The following TES variants were observed in gnomAD, a reference collection of about 807,000 sequenced individuals.
The protein encoded by TES is testin LIM domain protein, also known as testin.
A neutral mutation model predicts 48.2 loss-of-function variants in TES; 41 were observed. The observed-to-expected ratio is 0.85, with a 90% CI of 0.66 to 1.10. The LOEUF is 1.10. TES is among the 50% of genes least tolerant of loss of function. The probability of loss-of-function intolerance (pLI) is 0.00; values close to 1 mark genes in which losing one functional copy is unlikely to be tolerated. For synonymous variants in TES, 162 were observed against 174.9 expected (o/e 0.93, Z 0.58); for missense variants, 463 against 515.1 (o/e 0.90, Z 0.98).
intron 6 of TES, among the ~76,000 whole-genome samples, chr7:116,256,364 G>T (rs1395690820): frequency 1.3e-5 from 2 of 152,160 alleles, no homozygotes; most frequent in Non-Finnish European, 2.9e-5. Flanking sequence ...GGGTGCTTAA[G>T]ATTAGTCACT....
chr7:116,246,842 C>G (rs1378491940), intron 2 of TES, among the ~76,000 whole-genome samples: 3 of 150,598 alleles, frequency 2.0e-5, no homozygotes, highest in Non-Finnish European at 2.9e-5. Context: ...CCTATACTTT[C>G]TTTCCTATCA....
At chr7:116,226,313 G>A (rs1799620216) in intron 1 of TES, among the ~76,000 whole-genome samples, 1 of 152,152 alleles carries the variant, frequency 6.6e-6, no homozygotes, top group African/African-American at 2.4e-5. Context: ...TAGTAAGGAA[G>A]GACTTAATAA....
chr7:116,213,835 G>A (rs1799465054), intron 1 of TES, among the ~76,000 whole-genome samples: 1 of 151,752 alleles, frequency 6.6e-6, no homozygotes, highest in Admixed American at 6.5e-5. Flanking sequence ...TTGGCTTTGT[G>A]TCAGTATGGT....
chr7:116,210,874 C>T (rs1799428548), intron 1 of TES, 140 bp downstream of exon 1: 2 of 707,902 alleles, frequency 2.8e-6, no homozygotes, highest in African/African-American at 3.8e-5. Flanking sequence ...TGCCCCGGGC[C>T]CAGGGACCTG....
chr7:116,218,388 T>C (rs896170140), intron 1 of TES, among the ~76,000 whole-genome samples: 2 of 152,178 alleles, frequency 1.3e-5, no homozygotes, highest in Non-Finnish European at 2.9e-5. Flanking sequence ...TTTCCCTTGC[T>C]TTGTTTGATG....
chr7:116,213,094 G>T (rs545309685), intron 1 of TES, among the ~76,000 whole-genome samples: 1 of 152,246 alleles, frequency 6.6e-6, no homozygotes, highest in South Asian at 2.1e-4. Context: ...GAAATCTCAG[G>T]AATGTATTTC....
At chr7:116,212,814 T>A (rs1191450561) in intron 1 of TES, among the ~76,000 whole-genome samples, 2 of 152,184 alleles carry the variant, frequency 1.3e-5, no homozygotes, top group African/African-American at 4.8e-5. Flanking sequence ...AAAGTTATAT[T>A]TTCAACCAAG....
At chr7:116,230,846 CT>C (rs1345573431) in intron 1 of TES, among the ~76,000 whole-genome samples, 13 of 152,192 alleles carry the variant, frequency 8.5e-5, no homozygotes, top group South Asian at 2.1e-4. Flanking sequence ...CCTGAATGCA[CT>C]TCTCTGAGCC....
intron 2 of TES, 111 bp downstream of exon 2, chr7:116,234,730 T>A: frequency 1.2e-6 from 1 of 812,890 alleles, no homozygotes; most frequent in Non-Finnish European, 2.1e-6. Context: ...GTTGCAGACC[T>A]GTTACTGTCT....
chr7:116,220,005 C>T (rs186692096), intron 1 of TES, among the ~76,000 whole-genome samples: 168 of 152,126 alleles, frequency 1.1e-3, no homozygotes, highest in Middle Eastern at 6.8e-3. Flanking sequence ...TCATTCCAGC[C>T]GGGTCATGTG....
intron 1 of TES, among the ~76,000 whole-genome samples, chr7:116,231,450 C>T (rs1799698931): frequency 6.6e-6 from 1 of 151,966 alleles, no homozygotes; most frequent in African/African-American, 2.4e-5. Context: ...AGAACATGTG[C>T]CCAAGGTGGT....
chr7:116,237,509 GCTTGATACATACTATTCC>G (rs1348591087), intron 2 of TES, among the ~76,000 whole-genome samples: 1 of 151,948 alleles, frequency 6.6e-6, no homozygotes, highest in African/African-American at 2.4e-5. Flanking sequence ...TGATCCAAGT[GCTTGATACATACTATTCC>G]CTGAAATTTT....
chr7:116,256,487 T>C (rs1045093234), intron 6 of TES, among the ~76,000 whole-genome samples: 4 of 152,238 alleles, frequency 2.6e-5, no homozygotes, highest in African/African-American at 7.2e-5. Context: ...GCATGGACTA[T>C]CCAGTGTTTC....
intron 6 of TES, among the ~76,000 whole-genome samples, chr7:116,254,164 C>CT (rs202084710): frequency 2.1e-3 from 311 of 150,976 alleles, no homozygotes; most frequent in African/African-American, 7.0e-3. Flanking sequence ...TAATGTATAC[C>CT]TTTTTTTTTG....
chr7:116,255,585 ATTAG>A (rs1335827213), intron 6 of TES, among the ~76,000 whole-genome samples: 5 of 152,208 alleles, frequency 3.3e-5, no homozygotes, highest in Admixed American at 3.3e-4. Context: ...GTAATTGAAC[ATTAG>A]TTATCTCTTT....
intron 6 of TES, chr7:116,252,729 C>G: frequency 2.0e-6 from 1 of 491,706 alleles, no homozygotes; most frequent in Non-Finnish European, 3.7e-6. Context: ...AAAATCCTCA[C>G]TTAAAAAAAT....
intron 6 of TES, among the ~76,000 whole-genome samples, chr7:116,252,991 A>G (rs3807978): frequency 0.21 from 31,252 of 152,146 alleles, 3,561 homozygotes; most frequent in East Asian, 0.43. Context: ...GTGTGGGCCA[A>G]ACATTCCAAT....
rs1342335763 is a variant in TES at position 116,252,318 on chromosome 7, C to G, written c.919C>G (p.Leu307Val). 6.2e-7 allele frequency: 1 copy of G among 1,600,268 alleles called. No individual in the cohort carries two copies. Among genetic ancestry groups the G allele is most frequent in the Non-Finnish European group, 8.6e-7 (1 of 1,169,122 alleles). The part of the protein sequence containing the change: ...EKPRCAGCDE[L>V]IFSNEYTQAE... Reference sequence around the variant, plus strand: ...ATCTTTATTTTTATCTTCTTCCTAGCTGATATTCAGCAATGAGTATACCCA... The same window carrying G: ...ATCTTTATTTTTATCTTCTTCCTAGGTGATATTCAGCAATGAGTATACCCA... The change falls in exon 6 of 7, where the codon CTG (leucine) becomes GTG (valine). Residue 307 changes from leucine to valine, a missense_variant and splice_region_variant. Leu to Val is a conservative substitution (Grantham distance 32, BLOSUM62 1). Transcript: ENST00000358204.
Position 116,227,962 on chromosome 7 carries a change from A to G in TES, c.28-6572A>G, listed in dbSNP as rs570516884. On this transcript the variant is annotated intron_variant, in intron 1 of 6. Transcript: ENST00000358204. ...CCAGACCCAAATTGTCTCCAGATCA[A>G]CTCAGACCATGTTTGAAATACCAGA... Among the ~76,000 whole-genome samples the G allele has an allele frequency of 2.6e-5, 4 of 151,360 alleles. No individual in the cohort carries two copies. In the South Asian group the frequency reaches 6.3e-4, roughly 24 times the overall value.
Sources: gnomAD v4.1 joint callset for allele counts (sites outside exome capture counted in the v4.1 genomes callset) on GRCh38, gnomAD v4.1.1 for gene constraint, MANE v1.5 for transcripts, NCBI Gene and HGNC (gene_info 2026-07-23, HGNC 2026-07-21) for gene names.